KHDRBS3: variants seen among roughly 807,000 people sequenced by gnomAD.
KHDRBS3 encodes the protein KH domain-containing, RNA-binding, signal transduction-associated protein 3.
KHDRBS3 carries 23 observed loss-of-function variants against 45.6 expected under a neutral mutation model. The ratio of observed to expected loss-of-function variants is 0.50; its 90% CI spans 0.36 to 0.72. The LOEUF (loss-of-function observed/expected upper bound fraction) is 0.72, where lower values mean the gene tolerates loss of function less well. Among genes scored for constraint, KHDRBS3 ranks in the 30% least tolerant of loss-of-function variants. The pLI is 0.00. For missense variants in KHDRBS3, 352 were observed against 424.8 expected, an observed-to-expected ratio of 0.83 and a Z score of 1.51; for synonymous variants, 162 against 156.5, an observed-to-expected ratio of 1.04 and a Z score of -0.26.
chr8:135,574,462 C>T (rs921318247), intron 5 of KHDRBS3, among the ~76,000 whole-genome samples: 1 of 152,066 alleles, frequency 6.6e-6, no homozygotes, highest in East Asian at 1.9e-4. Flanking sequence ...ACGAGTGGTG[C>T]ATAACCAACA....
At chr8:135,502,298 C>T (rs911892648) in intron 1 of KHDRBS3, among the ~76,000 whole-genome samples, 1 of 152,194 alleles carries the variant, frequency 6.6e-6, no homozygotes, top group Non-Finnish European at 1.5e-5. Context: ...ATACTCTCCC[C>T]TTGTACCTTC....
chr8:135,565,353 CATT>C (rs1218175469), intron 5 of KHDRBS3, among the ~76,000 whole-genome samples: 2 of 152,192 alleles, frequency 1.3e-5, no homozygotes, highest in Non-Finnish European at 2.9e-5. Context: ...TACTTTTACA[CATT>C]ATAAATTTTT....
chr8:135,567,948 A>G (rs1827510770), intron 5 of KHDRBS3, among the ~76,000 whole-genome samples: 1 of 152,212 alleles, frequency 6.6e-6, no homozygotes, highest in Admixed American at 6.5e-5. Context: ...AAGTGTCACC[A>G]CCACTGCTAC....
At chr8:135,582,378 T>G (rs1243510045) in intron 6 of KHDRBS3, among the ~76,000 whole-genome samples, 1 of 152,212 alleles carries the variant, frequency 6.6e-6, no homozygotes, top group African/African-American at 2.4e-5. Context: ...AATGTAACAT[T>G]CTTGCATATT....
intron 7 of KHDRBS3, among the ~76,000 whole-genome samples, 175 bp from the exon 8 acceptor site, chr8:135,644,884 A>G (rs1473714467): frequency 6.6e-6 from 1 of 151,414 alleles, no homozygotes; most frequent in Non-Finnish European, 1.5e-5. Context: ...GGGTCCTTTG[A>G]TAATCCCAAA....
chr8:135,604,753 A>G (rs1829377803), intron 6 of KHDRBS3, among the ~76,000 whole-genome samples: 1 of 151,886 alleles, frequency 6.6e-6, no homozygotes, highest in Non-Finnish European at 1.5e-5. Context: ...TAAATCAGAT[A>G]GAAGGAAAAG....
intron 5 of KHDRBS3, among the ~76,000 whole-genome samples, chr8:135,575,747 T>G (rs559990023): frequency 2.0e-5 from 3 of 152,284 alleles, no homozygotes; most frequent in African/African-American, 7.2e-5. Context: ...CTGCATGTGG[T>G]TTTTCTCTAT....
intron 1 of KHDRBS3, among the ~76,000 whole-genome samples, chr8:135,513,458 G>A (rs545126356): frequency 6.6e-6 from 1 of 152,228 alleles, no homozygotes; most frequent in South Asian, 2.1e-4. Flanking sequence ...TGAGGAAATT[G>A]TGACTTATAA....
chr8:135,467,394 T>G (rs1054789192), intron 1 of KHDRBS3, among the ~76,000 whole-genome samples: 1 of 152,254 alleles, frequency 6.6e-6, no homozygotes, highest in Non-Finnish European at 1.5e-5. Context: ...TGTTATCTCA[T>G]CTACAGTTCA....
At chr8:135,642,313 C>G (rs1174326942) in intron 7 of KHDRBS3, among the ~76,000 whole-genome samples, 1 of 152,158 alleles carries the variant, frequency 6.6e-6, no homozygotes, top group Non-Finnish European at 1.5e-5. Context: ...TTGAGTGACC[C>G]TGGGCAGATG....
At chr8:135,484,536 C>A (rs1250994431) in intron 1 of KHDRBS3, among the ~76,000 whole-genome samples, 1 of 152,242 alleles carries the variant, frequency 6.6e-6, no homozygotes, top group East Asian at 1.9e-4. Context: ...CACAACCCGC[C>A]TCTGTGTCTA....
intron 8 of KHDRBS3, among the ~76,000 whole-genome samples, chr8:135,646,427 T>C (rs568379985): frequency 6.3e-4 from 96 of 152,330 alleles, no homozygotes; most frequent in African/African-American, 2.0e-3. Flanking sequence ...TGAAGTGCTA[T>C]TGAGAAGTGA....
rs758387386 is a variant in KHDRBS3, at chr8:135,521,248, T to C, written c.100T>C (p.Phe34Leu). ...LRLVNQEIEK[F>L]QKGEGKDEEK... The stretch of plus-strand genomic sequence containing the variant: ...TTTTGCCTCCACAGAAATAGAAAAG[T>C]TTCAAAAAGGAGAAGGCAAGGATGA... Residue 34 changes from phenylalanine (F) to leucine (L), a missense_variant, in exon 2 of 9, where the codon TTT becomes CTT. This residue lies in a region of KHDRBS3 where 58 missense variants were observed against 64.5 expected (regional missense o/e 0.90). Transcript: ENST00000355849. 5 of 1,608,260 alleles carry C rather than the reference T, an allele frequency of 3.1e-6. No individual in the cohort carries two copies. Among genetic ancestry groups the C allele is most frequent in the Non-Finnish European group, 3.4e-6 (4 of 1,175,078 alleles).
At chr8:135,604,268 G>A (rs1351425846) in intron 6 of KHDRBS3, among the ~76,000 whole-genome samples, 1 of 150,330 alleles carries the variant, frequency 6.7e-6, no homozygotes, top group East Asian at 2.0e-4. Context: ...CTATTTTCAT[G>A]GAATATCTTC....
chr8:135,460,329 C>CT (rs1190917938), intron 1 of KHDRBS3, among the ~76,000 whole-genome samples: 1 of 152,212 alleles, frequency 6.6e-6, no homozygotes, highest in East Asian at 1.9e-4. Context: ...TCTCTAAACT[C>CT]TAACAAGGCC....
At position 135,654,724 on chromosome 8, in the gene KHDRBS3, G is replaced by T. The variant is rs892245309; in HGVS notation, c.*118-1502G>T. 1.1e-4 allele frequency among the ~76,000 whole-genome samples: 17 copies of T among 152,268 alleles called. 1 individual carries two copies. The highest frequency in any genetic ancestry group is 9.1e-4 in the Admixed American group (14 of 15,308). ...TACATCAGCAAGTGTATTGTTAAGG[G>T]CTGGCCCGTGGTGGGGCAGGCTTTG... On this transcript the variant is annotated intron_variant and NMD_transcript_variant, in intron 4 of 4. Transcript: ENST00000521461.
intron 1 of KHDRBS3, among the ~76,000 whole-genome samples, chr8:135,489,709 G>A (rs7841092): frequency 0.058 from 8,849 of 152,106 alleles, 345 homozygotes; most frequent in African/African-American, 0.1. Context: ...AGTAAAACTA[G>A]AGTCAAAAAG....
chr8:135,491,754 TA>T (rs1348347053), intron 1 of KHDRBS3, among the ~76,000 whole-genome samples: 1 of 152,200 alleles, frequency 6.6e-6, no homozygotes, highest in Non-Finnish European at 1.5e-5. Flanking sequence ...TGATGTTTTA[TA>T]ATAAGACAAC....
chr8:135,507,788 C>G (rs775613366), intron 1 of KHDRBS3, among the ~76,000 whole-genome samples: 10 of 152,120 alleles, frequency 6.6e-5, no homozygotes, highest in Admixed American at 2.0e-4. Flanking sequence ...AATTCTGTAG[C>G]TCTATGCTGA....
Sources: allele counts gnomAD v4.1 joint callset (sites outside exome capture counted in the v4.1 genomes callset), GRCh38; gene constraint gnomAD v4.1.1; regional missense constraint gnomAD v4.1.1; transcripts MANE v1.5; gene names NCBI Gene and HGNC (gene_info 2026-07-23, HGNC 2026-07-21).